WARS2: variants seen among roughly 807,000 people sequenced by gnomAD.
WARS2 encodes tryptophanyl tRNA synthetase 2, mitochondrial, also known as tryptophan--tRNA ligase, mitochondrial.
WARS2 carries 28 observed loss-of-function variants against 36.5 expected under a neutral mutation model. The observed-to-expected ratio is 0.77, with a 90% CI of 0.57 to 1.05. The LOEUF (loss-of-function observed/expected upper bound fraction) is 1.05, where lower values mean the gene tolerates loss of function less well. Among genes scored for constraint, WARS2 ranks in the 50% least tolerant of loss-of-function variants. The pLI is 0.00. For synonymous variants in WARS2, 174 were observed against 178.4 expected (o/e 0.98, Z 0.20); for missense variants, 435 against 456.8 (o/e 0.95, Z 0.44).
chr1:119,066,437 C>A, intron 2 of WARS2, among the ~76,000 whole-genome samples: 1 of 137,394 alleles, frequency 7.3e-6, no homozygotes. Context: ...GAGATCATGC[C>A]ATTGCACTCC....
chr1:119,068,686 C>T (rs183174856), intron 2 of WARS2, among the ~76,000 whole-genome samples: 5 of 152,246 alleles, frequency 3.3e-5, no homozygotes, highest in Admixed American at 6.5e-5. Flanking sequence ...GGCAGCTGTA[C>T]GACTCAGACT....
At chr1:119,125,174 C>A (rs959901972) in intron 1 of WARS2, among the ~76,000 whole-genome samples, 3 of 152,156 alleles carry the variant, frequency 2.0e-5, no homozygotes, top group Admixed American at 6.5e-5. Context: ...GACAGTTTAG[C>A]CCCCACCTCA....
intron 1 of WARS2, among the ~76,000 whole-genome samples, chr1:119,136,081 TTAAATAAA>T (rs928948516): frequency 6.6e-6 from 1 of 152,128 alleles, no homozygotes; most frequent in African/African-American, 2.4e-5. Context: ...CAATAGATGT[TTAAATAAA>T]TAAATAAATA....
At chr1:119,055,513 G>A (rs543957270) in intron 2 of WARS2, among the ~76,000 whole-genome samples, 15 of 152,140 alleles carry the variant, frequency 9.9e-5, no homozygotes, top group Non-Finnish European at 2.1e-4. Context: ...ATGATGGTGC[G>A]CACCTATAGT....
At chr1:119,046,882 A>T (rs1648899551) in intron 2 of WARS2, among the ~76,000 whole-genome samples, 1 of 152,122 alleles carries the variant, frequency 6.6e-6, no homozygotes, top group Admixed American at 6.5e-5. Context: ...AAAAGAACAT[A>T]AAGGAGTGGA....
chr1:119,072,840 G>A (rs949272855), intron 2 of WARS2, among the ~76,000 whole-genome samples: 1 of 54,826 alleles, frequency 1.8e-5, no homozygotes, highest in Admixed American at 1.3e-4. Flanking sequence ...TGTGGTATCT[G>A]CTTTGAAATA....
chr1:119,046,005 ACT>A (rs151261218), intron 2 of WARS2, among the ~76,000 whole-genome samples: 4 of 151,008 alleles, frequency 2.6e-5, no homozygotes, highest in Admixed American at 6.6e-5. Flanking sequence ...GCACACACAC[ACT>A]CTCTCTCTCT....
chr1:119,043,718 G>T (rs943295639), intron 3 of WARS2, among the ~76,000 whole-genome samples: 2 of 152,142 alleles, frequency 1.3e-5, no homozygotes, highest in African/African-American at 4.8e-5. Flanking sequence ...ATTTTTAAAA[G>T]TTGCCATCAC....
intron 2 of WARS2, among the ~76,000 whole-genome samples, chr1:119,067,418 A>G: frequency 6.6e-6 from 1 of 152,260 alleles, no homozygotes; most frequent in Non-Finnish European, 1.5e-5. Flanking sequence ...GCAATTCAAA[A>G]GGCAGCCATT....
chr1:119,076,843 T>C (rs1018569206), intron 1 of WARS2, among the ~76,000 whole-genome samples: 1 of 152,016 alleles, frequency 6.6e-6, no homozygotes, highest in Non-Finnish European at 1.5e-5. Context: ...CAAAGACATA[T>C]AAGAAAAGAT....
In WARS2 at chr1:119,047,207, A is replaced by G. The variant is rs137923160; in HGVS notation, c.349-1545T>C. Among the ~76,000 whole-genome samples, 220 of 152,350 alleles carry G rather than the reference A, an allele frequency of 1.4e-3. 2 individuals are homozygous for G. The East Asian group carries it at 0.032, about 22-fold the overall frequency. Reference sequence around the variant, plus strand: ...GGCAAGAGGACTAGAGTTGCTTCCAATCACCAAGGAAAATACATTCCCATT... The same window carrying G: ...GGCAAGAGGACTAGAGTTGCTTCCAGTCACCAAGGAAAATACATTCCCATT... On this transcript the variant is annotated intron_variant, in intron 2 of 5. Coordinates refer to ENST00000235521, the MANE Select transcript of WARS2 (RefSeq NM_015836.4).
chr1:119,123,923 C>T (rs1655489209), intron 1 of WARS2, among the ~76,000 whole-genome samples: 1 of 152,152 alleles, frequency 6.6e-6, no homozygotes, highest in South Asian at 2.1e-4. Flanking sequence ...TACCTCTCTC[C>T]TGAGCTTTGG....
chr1:119,111,061 C>T (rs587722868), intron 1 of WARS2, among the ~76,000 whole-genome samples: 4 of 152,204 alleles, frequency 2.6e-5, no homozygotes, highest in Non-Finnish European at 4.4e-5. Flanking sequence ...TCCATTAAAG[C>T]CCTTAACATA....
At chr1:119,120,935 A>G (rs1201352675) in intron 1 of WARS2, among the ~76,000 whole-genome samples, 2 of 152,166 alleles carry the variant, frequency 1.3e-5, no homozygotes, top group Admixed American at 6.5e-5. Context: ...CACAGGCAAC[A>G]TTATACTGCA....
intron 1 of WARS2, chr1:119,085,431 A>G (rs1444203411): frequency 6.7e-7 from 1 of 1,487,510 alleles, no homozygotes; most frequent in Non-Finnish European, 9.2e-7. Context: ...CTCTGCCTGT[A>G]CCTCCCAGTC....
At chr1:119,132,831 T>C (rs1427673486) in intron 1 of WARS2, among the ~76,000 whole-genome samples, 1 of 152,192 alleles carries the variant, frequency 6.6e-6, no homozygotes. Flanking sequence ...ACCTTAATAC[T>C]CTATAATTAA....
At chr1:119,132,204 G>A (rs1656166516) in intron 1 of WARS2, among the ~76,000 whole-genome samples, 1 of 152,106 alleles carries the variant, frequency 6.6e-6, no homozygotes, top group African/African-American at 2.4e-5. Flanking sequence ...AGCCAGGCCT[G>A]GCTGATCCAA....
At chr1:119,109,527 CTTTT>C (rs1343753469) in intron 1 of WARS2, among the ~76,000 whole-genome samples, 4 of 151,828 alleles carry the variant, frequency 2.6e-5, no homozygotes, top group African/African-American at 9.7e-5. Flanking sequence ...TAGCTAGTTT[CTTTT>C]ATTTAGTTTT....
intron 2 of WARS2, among the ~76,000 whole-genome samples, chr1:119,065,932 A>T (rs957996102): frequency 3.3e-5 from 5 of 152,192 alleles, no homozygotes; most frequent in African/African-American, 7.2e-5. Flanking sequence ...TGTGATTTTT[A>T]AAAATACTGT....
Sources: gnomAD v4.1 joint callset for allele counts (sites outside exome capture counted in the v4.1 genomes callset) on GRCh38, gnomAD v4.1.1 for gene constraint, MANE v1.5 for transcripts, NCBI Gene and HGNC (gene_info 2026-07-23, HGNC 2026-07-21) for gene names.